The following ACTR2 variants were observed in gnomAD, a reference collection of about 807,000 sequenced individuals.
ACTR2 encodes the protein actin-related protein 2.
In ACTR2, 5 loss-of-function variants were observed where a neutral mutation model predicts 50.2. The observed-to-expected ratio is 0.10, with a 90% confidence interval of 0.05 to 0.21. ACTR2 has a LOEUF of 0.21. Among genes scored for constraint, ACTR2 ranks in the 10% least tolerant of loss-of-function variants. The probability of loss-of-function intolerance (pLI) is 1.00; values close to 1 mark genes in which losing one functional copy is unlikely to be tolerated. For missense variants in ACTR2, 180 were observed against 480.6 expected (o/e 0.37, Z 5.85); for synonymous variants, 140 against 162.9 (o/e 0.86, Z 1.07).
intron 2 of ACTR2, among the ~76,000 whole-genome samples, chr2:65,245,774 T>C (rs962129006): frequency 2.0e-5 from 3 of 152,210 alleles, no homozygotes; most frequent in Non-Finnish European, 2.9e-5. Flanking sequence ...TATGCTCTCA[T>C]TGGAGACAAG....
chr2:65,263,045 CTTGT>C lies in ACTR2; in HGVS notation c.881+1665_881+1668del, dbSNP rs200249297. On this transcript the variant is annotated intron_variant, in intron 7 of 8. Coordinates refer to ENST00000260641, the MANE Select transcript of ACTR2 (RefSeq NM_005722.4). ...AACATATTTTTATATGTTTAAGGGA[CTTGT>C]TTGTTTGTTTGAGATAGAGTCTCGC... 3.2e-3 allele frequency among the ~76,000 whole-genome samples: 482 copies of C among 150,444 alleles called. 3 individuals carry two copies. The highest frequency in any genetic ancestry group is 0.011 in the African/African-American group (438 of 41,172).
intron 1 of ACTR2, among the ~76,000 whole-genome samples, chr2:65,235,585 T>G (rs1020993633): frequency 6.6e-6 from 1 of 152,092 alleles, no homozygotes; most frequent in African/African-American, 2.4e-5. Flanking sequence ...TGAAACCCCT[T>G]CTCTACTAAA....
intron 6 of ACTR2, among the ~76,000 whole-genome samples, chr2:65,257,049 A>G (rs1207061836): frequency 2.0e-5 from 3 of 152,030 alleles, no homozygotes; most frequent in African/African-American, 7.3e-5. Flanking sequence ...GCACCCATCA[A>G]CCTGTCATCT....
chr2:65,242,838 A>G (rs112515488), intron 2 of ACTR2, among the ~76,000 whole-genome samples: 2 of 152,234 alleles, frequency 1.3e-5, no homozygotes, highest in African/African-American at 4.8e-5. Context: ...AGAATCTCTG[A>G]CAAAAATCAG....
At chr2:65,238,674 A>AT (rs948882750) in intron 1 of ACTR2, among the ~76,000 whole-genome samples, 2 of 136,452 alleles carry the variant, frequency 1.5e-5, no homozygotes, top group African/African-American at 2.8e-5. Context: ...AAAAAAAAAA[A>AT]GTAAATAGCT....
rs143044279 is a variant in ACTR2, at chr2:65,267,132, A to T, written c.1015-1432A>T. On this transcript the variant is annotated intron_variant, in intron 8 of 8. Coordinates refer to ENST00000260641, the MANE Select transcript of ACTR2 (RefSeq NM_005722.4). Reference sequence around the variant, plus strand: ...CAGGGGCTAGCTAAGTTTCCCTTAGAGTAGAGGTGGTCATCTATAGCCCTT... The same window carrying T: ...CAGGGGCTAGCTAAGTTTCCCTTAGTGTAGAGGTGGTCATCTATAGCCCTT... Among the ~76,000 whole-genome samples the T allele has an allele frequency of 2.4e-3, 368 of 152,324 alleles. 1 individual carries two copies. Among genetic ancestry groups the T allele is most frequent in the Middle Eastern group, 0.01 (3 of 294 alleles).
intron 3 of ACTR2, 41 bp downstream of exon 3, chr2:65,246,780 A>G (rs750898099): frequency 7.3e-7 from 1 of 1,362,284 alleles, no homozygotes; most frequent in East Asian, 2.5e-5. Flanking sequence ...TATTTCTGTG[A>G]TATTATGTTA....
chr2:65,234,076 A>G (rs1013561400), intron 1 of ACTR2, among the ~76,000 whole-genome samples: 1 of 151,548 alleles, frequency 6.6e-6, no homozygotes, highest in Non-Finnish European at 1.5e-5. Flanking sequence ...ACGCCTGGCT[A>G]ATTTTTGTAT....
chr2:65,253,552 GA>G (rs1672093421), intron 4 of ACTR2, among the ~76,000 whole-genome samples, 175 bp from the exon 5 acceptor site: 3 of 70,832 alleles, frequency 4.2e-5, no homozygotes. Context: ...AGTCTTAAAA[GA>G]GAACACTCGC....
At chr2:65,230,434 C>T (rs1573144343) in intron 1 of ACTR2, among the ~76,000 whole-genome samples, 1 of 111,828 alleles carries the variant, frequency 8.9e-6, no homozygotes, top group African/African-American at 3.6e-5. Context: ...TTTTTGGACA[C>T]AGGATCTAGC....
At chr2:65,240,180 A>G (rs537153033) in intron 2 of ACTR2, among the ~76,000 whole-genome samples, 15 of 152,336 alleles carry the variant, frequency 9.8e-5, no homozygotes, top group African/African-American at 3.1e-4. Flanking sequence ...GCTTGATGCC[A>G]TTACTCTTTG....
chr2:65,242,375 A>G (rs1034084419), intron 2 of ACTR2, among the ~76,000 whole-genome samples: 1 of 152,188 alleles, frequency 6.6e-6, no homozygotes, highest in Admixed American at 6.5e-5. Context: ...ATTAGAAACC[A>G]GATGGCTTTA....
At chr2:65,268,002 A>G (rs1373460819) in intron 8 of ACTR2, among the ~76,000 whole-genome samples, 2 of 149,028 alleles carry the variant, frequency 1.3e-5, no homozygotes, top group African/African-American at 4.9e-5. Context: ...ATGCCCGGCT[A>G]ATTTTTTTGT....
At chr2:65,245,937 G>A (rs1419544906) in intron 2 of ACTR2, among the ~76,000 whole-genome samples, 2 of 152,172 alleles carry the variant, frequency 1.3e-5, no homozygotes, top group East Asian at 1.9e-4. Context: ...CCTTGGTGAG[G>A]CATATGTAGA....
intron 4 of ACTR2, 80 bp from the exon 5 acceptor site, chr2:65,253,648 T>G: frequency 4.1e-6 from 6 of 1,455,042 alleles, no homozygotes; most frequent in Non-Finnish European, 5.6e-6. Context: ...CTGTTTTGGC[T>G]TCCCTACTGT....
intron 1 of ACTR2, among the ~76,000 whole-genome samples, chr2:65,237,671 T>C (rs1195844871): frequency 6.6e-6 from 1 of 152,068 alleles, no homozygotes; most frequent in Non-Finnish European, 1.5e-5. Context: ...TGCAACATAG[T>C]GAGACCCCAT....
In ACTR2 at chr2:65,246,934, C is replaced by T. The variant is rs1206662682; in HGVS notation, c.375+195C>T. ...GATCAGTAAACAAAAAATCCTACTGCCATGGAGTGTATATATTCTAACAGG... is the reference window on the plus strand; with the variant it reads ...GATCAGTAAACAAAAAATCCTACTGTCATGGAGTGTATATATTCTAACAGG... On this transcript the variant is annotated intron_variant, in intron 3 of 8. Transcript: ENST00000260641. Among the ~76,000 whole-genome samples the T allele has an allele frequency of 1.3e-5, 2 of 151,786 alleles. 1 individual carries two copies. The highest frequency in any genetic ancestry group is 4.8e-5 in the African/African-American group (2 of 41,302).
chr2:65,262,993 A>T (rs547472557), intron 7 of ACTR2, among the ~76,000 whole-genome samples: 56 of 70,764 alleles, frequency 7.9e-4, no homozygotes, highest in African/African-American at 2.7e-3. Context: ...GAAAGTTCCT[A>T]AAAAAAAAAC....
intron 7 of ACTR2, 21 bp from the exon 8 acceptor site, chr2:65,265,022 A>T (rs779414651): frequency 1.2e-6 from 2 of 1,613,828 alleles, no homozygotes; most frequent in Middle Eastern, 1.7e-4. Context: ...CTCCAAATGA[A>T]TAACCATTGT....
Sources: allele counts gnomAD v4.1 joint callset (sites outside exome capture counted in the v4.1 genomes callset), GRCh38; gene constraint gnomAD v4.1.1; transcripts MANE v1.5; gene names NCBI Gene and HGNC (gene_info 2026-07-23, HGNC 2026-07-21).